Variants in MRM3 observed in about 807,000 individuals in gnomAD.
MRM3 encodes rRNA methyltransferase 3, mitochondrial.
In MRM3, 26 loss-of-function variants were observed where a neutral mutation model predicts 29.4. The ratio of observed to expected loss-of-function variants is 0.89; its 90% CI spans 0.65 to 1.23. The LOEUF is 1.23. Among genes scored for constraint, MRM3 ranks in the 50% most tolerant of loss-of-function variants. The pLI is 0.00. For missense variants in MRM3, 578 were observed against 540.2 expected (o/e 1.07, Z -0.69); for synonymous variants, 225 against 219.0 (o/e 1.03, Z -0.24).
At chr17:789,835 A>AAGGT (rs1192507536) in intron 3 of MRM3, 1 of 152,242 alleles carries the variant, frequency 6.6e-6, no homozygotes, top group African/African-American at 2.4e-5. Context: ...ATAGGGAAAG[A>AAGGT]AGGTAGGAAA....
chr17:788,001 A>G lies in MRM3; in HGVS notation c.596A>G (p.Tyr199Cys). ...AAGCCTGACCATGTTAAGATGACATATCCAAAGACTCAGCTTCAGCATTCA... is the reference window on the plus strand; with the variant it reads ...AAGCCTGACCATGTTAAGATGACATGTCCAAAGACTCAGCTTCAGCATTCA... ...FAKPDHVKMT[Y>C]PKTQLQHSLP... The change falls in exon 3 of 4, where the codon TAT becomes TGT. Residue 199 changes from tyrosine to cysteine, a missense_variant. Coordinates refer to ENST00000304478, the MANE Select transcript of MRM3 (RefSeq NM_018146.4). 1 of 1,614,152 alleles carries G rather than the reference A, an allele frequency of 6.2e-7. No homozygotes were observed. Among genetic ancestry groups the G allele is most frequent in the Non-Finnish European group, 8.5e-7 (1 of 1,180,040 alleles).
In MRM3 at chr17:786,461, G is replaced by A. The variant is rs556694584; in HGVS notation, c.560-1504G>A. On this transcript the variant is annotated intron_variant, in intron 2 of 3. Coordinates refer to ENST00000304478, the MANE Select transcript of MRM3 (RefSeq NM_018146.4). ...GCTAATTTTTTTGTTATTTTTAGTA[G>A]AGACAGGGTTTCACCGTATTAGCCA... Among the ~76,000 whole-genome samples the A allele has an allele frequency of 1.8e-4, 27 of 152,254 alleles. No individual in the cohort carries two copies. The South Asian group carries it at 5.6e-3, about 32-fold the overall frequency.
intron 1 of MRM3, 56 bp from the exon 2 acceptor site, chr17:783,027 C>G: frequency 6.4e-7 from 1 of 1,553,882 alleles, no homozygotes; most frequent in South Asian, 1.2e-5. Flanking sequence ...CTAAGCGTGT[C>G]TCAGTAACAA....
intron 3 of MRM3, among the ~76,000 whole-genome samples, chr17:788,998 T>C (rs573244926): frequency 2.6e-5 from 4 of 152,230 alleles, no homozygotes; most frequent in Non-Finnish European, 4.4e-5. Flanking sequence ...TTAAAAATTA[T>C]GTTTTTTGTA....
chr17:791,477 A>T (rs1265113087), intron 3 of MRM3, 57 bp from the exon 4 acceptor site: 1 of 1,547,364 alleles, frequency 6.5e-7, no homozygotes, highest in Non-Finnish European at 8.8e-7. Context: ...CTTACTCCAC[A>T]GTCCCCTGGT....
In MRM3 at chr17:791,775, A is replaced by G; in HGVS notation, c.969A>G (p.Glu323=). Residue 323 remains glutamate (E), a synonymous_variant, in exon 4 of 4, where the codon GAA becomes GAG. Coordinates refer to ENST00000304478, the MANE Select transcript of MRM3 (RefSeq NM_018146.4). ...AGTTTCACAAGTATGAGGAAGAGGA[A>G]GATGTAGAAACCGGAGCCAGTCAAG... ...VMKFHKYEEE[E]DVETGASQDW... 1 of 1,614,222 alleles carries G rather than the reference A, an allele frequency of 6.2e-7. No homozygotes were observed. Among genetic ancestry groups the G allele is most frequent in the Non-Finnish European group, 8.5e-7 (1 of 1,180,046 alleles).
intron 3 of MRM3, among the ~76,000 whole-genome samples, chr17:788,884 C>T (rs1910663672): frequency 6.6e-6 from 1 of 152,232 alleles, no homozygotes; most frequent in Non-Finnish European, 1.5e-5. Context: ...GGAGGAATAA[C>T]AGAATCTCCC....
chr17:788,904 T>C (rs1344794356), intron 3 of MRM3, among the ~76,000 whole-genome samples: 1 of 152,228 alleles, frequency 6.6e-6, no homozygotes, highest in Non-Finnish European at 1.5e-5. Context: ...CTGGTCACTG[T>C]GAGGATTAAG....
rs1219503185 is a variant in MRM3 at position 782,476 on chromosome 17, T to G, written c.98T>G (p.Leu33Arg). ...GACGCGAGGCGCTGGGTCCGGGCGC[T>G]GCGGCGGAGCCCAGTGAAAGTGGTG... ...DLDARRWVRA[L>R]RRSPVKVVFP... Residue 33 changes from leucine to arginine, a missense_variant, in exon 1 of 4, where the codon CTG becomes CGG. Transcript: ENST00000304478. 3 of 1,613,632 alleles carry G rather than the reference T, an allele frequency of 1.9e-6. No homozygotes were observed. Among genetic ancestry groups the G allele is most frequent in the Non-Finnish European group, 2.5e-6 (3 of 1,179,790 alleles).
intron 2 of MRM3, among the ~76,000 whole-genome samples, chr17:784,651 T>A (rs1232750476): frequency 6.6e-6 from 1 of 152,198 alleles, no homozygotes; most frequent in African/African-American, 2.4e-5. Flanking sequence ...CTTATGTTAC[T>A]ATATTTTAGA....
intron 3 of MRM3, among the ~76,000 whole-genome samples, chr17:789,396 C>G (rs188450446): frequency 9.7e-4 from 148 of 152,278 alleles, no homozygotes; most frequent in African/African-American, 3.4e-3. Flanking sequence ...GGTCACATGC[C>G]CCGCACACAA....
At chr17:783,004 A>T in intron 1 of MRM3, 79 bp from the exon 2 acceptor site, 1 of 1,524,200 alleles carries the variant, frequency 6.6e-7, no homozygotes. Context: ...GTAGCTCTTT[A>T]TTTCTGTTAC....
chr17:791,411 C>T (rs1910812711), intron 3 of MRM3, 123 bp from the exon 4 acceptor site: 1 of 1,004,392 alleles, frequency 1.0e-6, no homozygotes, highest in Admixed American at 2.8e-5. Context: ...GGTCCCATCC[C>T]TCAAGAAAGC....
At chr17:782,844 G>A (rs928786332) in intron 1 of MRM3, 152 bp downstream of exon 1, 5 of 972,906 alleles carry the variant, frequency 5.1e-6, no homozygotes, top group Non-Finnish European at 7.4e-6. Context: ...TTTGGAATTA[G>A]CTTCTGTTTC....
In MRM3 at chr17:787,867, T is replaced by A; in HGVS notation, c.560-98T>A. The A allele has an allele frequency of 1.6e-6, 2 of 1,245,962 alleles. No homozygotes were observed. The highest frequency in any genetic ancestry group is 2.3e-6 in the Non-Finnish European group (2 of 860,466). 77.2% of individuals were successfully genotyped at this position (1,245,962 alleles called of 1,614,324 possible). A position where few individuals can be genotyped will look rare whatever the true frequency, so the allele number is the denominator to read the frequency against. Reference sequence around the variant, plus strand: ...CCTGGCCTGTATTCCTGTATTTTTATGTAACTAAGACCATATCAAGATTGA... The same window carrying A: ...CCTGGCCTGTATTCCTGTATTTTTAAGTAACTAAGACCATATCAAGATTGA... On this transcript the variant is annotated intron_variant, in intron 2 of 3. Transcript: ENST00000304478. This position sits in a 1 kb window ranked among gnomAD's most constrained non-coding sequence, Gnocchi z 4.1.
rs1910152963 is a variant in MRM3 at position 782,418 on chromosome 17, C to T, written c.40C>T (p.Pro14Ser). The part of the protein sequence containing the change: ...LVRPARFVVR[P>S]LLQVVQAWDL... ...GAGACCCGCGAGGTTTGTCGTGCGACCGTTGCTGCAGGTGGTCCAGGCTTG... is the reference window on the plus strand; with the variant it reads ...GAGACCCGCGAGGTTTGTCGTGCGATCGTTGCTGCAGGTGGTCCAGGCTTG... Residue 14 changes from proline (P) to serine (S), a missense_variant, in exon 1 of 4, where the codon CCG becomes TCG. Pro to Ser is a moderately conservative substitution (Grantham distance 74, BLOSUM62 -1). Coordinates refer to ENST00000304478, the MANE Select transcript of MRM3 (RefSeq NM_018146.4). The T allele has an allele frequency of 6.2e-7, 1 of 1,613,826 alleles. No homozygotes were observed.
In MRM3 at chr17:791,637, C is replaced by T. The variant is rs1910826047; in HGVS notation, c.831C>T (p.Tyr277=). ...NNLEWETVPN[Y]LPPDTRVYVA... is the part of the protein sequence containing the mutation. ...TGGAATGGGAAACCGTGCCCAATTACCTGCCCCCTGACACTCGGGTCTATG... is the reference window on the plus strand; with the variant it reads ...TGGAATGGGAAACCGTGCCCAATTATCTGCCCCCTGACACTCGGGTCTATG... The change falls in exon 4 of 4, where the codon TAC becomes TAT. Residue 277 remains tyrosine, a synonymous_variant. Transcript: ENST00000304478. The T allele has an allele frequency of 5.0e-6, 8 of 1,614,252 alleles. No homozygotes were observed. The highest frequency in any genetic ancestry group is 6.8e-6 in the Non-Finnish European group (8 of 1,180,046).
Position 783,345 on chromosome 17 carries a change from G to A in MRM3, c.559+18G>A. ...AATAATGGGTTAGTGATTACCCAGT[G>A]TATCTTTTTTTTTTTTTGTCTTGTT... On this transcript the variant is annotated intron_variant, in intron 2 of 3. Transcript: ENST00000304478. The A allele has an allele frequency of 6.8e-7, 1 of 1,462,900 alleles. No homozygotes were observed. The highest frequency in any genetic ancestry group is 1.9e-4 in the Middle Eastern group (1 of 5,254). 90.6% of individuals were successfully genotyped at this position (1,462,900 alleles called of 1,614,324 possible).
In MRM3 at chr17:790,565, C is replaced by T. The variant is rs189719596; in HGVS notation, c.728-969C>T. ...ACCCCCACCCGCTGATTGGCTGGCT[C>T]ACCTCCTGTGCCGCCACAGCGCCAC... On this transcript the variant is annotated intron_variant, in intron 3 of 3. Coordinates refer to ENST00000304478, the MANE Select transcript of MRM3 (RefSeq NM_018146.4). 4.5e-3 allele frequency: 845 copies of T among 189,076 alleles called. 5 individuals carry two copies. Among genetic ancestry groups the T allele is most frequent in the Middle Eastern group, 0.016 (6 of 382 alleles). The allele number at this position is 189,076 out of a possible 1,614,324, so 11.7% of individuals were successfully genotyped here.
Sources: allele counts gnomAD v4.1 joint callset (sites outside exome capture counted in the v4.1 genomes callset), GRCh38; gene constraint gnomAD v4.1.1; non-coding constraint Gnocchi (gnomAD v3.1); transcripts MANE v1.5; gene names NCBI Gene and HGNC (gene_info 2026-07-23, HGNC 2026-07-21).